The following GRID1 variants were observed in gnomAD, a reference collection of about 807,000 sequenced individuals.
GRID1 encodes glutamate receptor ionotropic, delta-1.
In GRID1, 28 loss-of-function variants were observed where a neutral mutation model predicts 98.0. The observed-to-expected ratio is 0.29, with a 90% CI of 0.21 to 0.39. The LOEUF (loss-of-function observed/expected upper bound fraction) is 0.39, where lower values mean the gene tolerates loss of function less well. GRID1 is among the 10% of genes least tolerant of loss of function. GRID1 has a pLI of 1.00. For missense variants in GRID1, 1,111 were observed against 1,340.5 expected, an observed-to-expected ratio of 0.83 and a Z score of 2.67; for synonymous variants, 553 against 538.5, an observed-to-expected ratio of 1.03 and a Z score of -0.37.
intron 8 of GRID1, among the ~76,000 whole-genome samples, chr10:85,780,369 T>C (rs554163421): frequency 6.8e-4 from 104 of 152,008 alleles, no homozygotes; most frequent in African/African-American, 2.3e-3. Context: ...CTGGAGGAGG[T>C]AGAGGAGGAA....
chr10:86,334,125 T>C (rs1176742356), intron 2 of GRID1, among the ~76,000 whole-genome samples: 1 of 152,096 alleles, frequency 6.6e-6, no homozygotes, highest in East Asian at 1.9e-4. Context: ...CCCTGGCCTA[T>C]CCATCTGCTT....
intron 4 of GRID1, among the ~76,000 whole-genome samples, chr10:86,125,902 C>A (rs74235894): frequency 0.029 from 4,397 of 152,230 alleles, 126 homozygotes; most frequent in South Asian, 0.1. Context: ...CTATAACATA[C>A]AAAATTTGTG....
At chr10:85,987,629 C>T (rs758249473) in intron 4 of GRID1, among the ~76,000 whole-genome samples, 2 of 150,256 alleles carry the variant, frequency 1.3e-5, no homozygotes, top group Non-Finnish European at 3.0e-5. Flanking sequence ...ACTTCCCCTG[C>T]AGCCTTACCC....
At chr10:85,779,320 C>A (rs1479168218) in intron 8 of GRID1, among the ~76,000 whole-genome samples, 1 of 152,160 alleles carries the variant, frequency 6.6e-6, no homozygotes, top group African/African-American at 2.4e-5. Context: ...CTGGAAAAAT[C>A]CAAAACCTGC....
chr10:86,151,574 T>C (rs1410595561), intron 3 of GRID1, among the ~76,000 whole-genome samples: 1 of 152,188 alleles, frequency 6.6e-6, no homozygotes, highest in East Asian at 1.9e-4. Context: ...AGCTGTTAAT[T>C]TGCAATCAGT....
In GRID1 at chr10:86,366,274, G is replaced by T. The variant is rs780803944; in HGVS notation, c.79+40C>A. On this transcript the variant is annotated intron_variant, in intron 1 of 15. Transcript: ENST00000327946. The surrounding 1 kb of genome is among the most constrained non-coding windows in gnomAD (Gnocchi z 4.1). The stretch of plus-strand genomic sequence containing the variant: ...GCCGCGCACCCCCTGCCCCGTTGGG[G>T]CCCCCGCCCAGCCTCGGCCCGGCCT... 1 of 1,419,066 alleles carries T rather than the reference G, an allele frequency of 7.0e-7. No homozygotes were observed. Among genetic ancestry groups the T allele is most frequent in the South Asian group, 1.3e-5 (1 of 77,554 alleles). 87.9% of individuals were successfully genotyped at this position (1,419,066 alleles called of 1,614,324 possible).
At chr10:85,729,147 T>A (rs544009945) in intron 9 of GRID1, among the ~76,000 whole-genome samples, 31 of 152,240 alleles carry the variant, frequency 2.0e-4, no homozygotes, top group Non-Finnish European at 3.4e-4. Flanking sequence ...CCAGCATCTA[T>A]CTTGGGGTTC....
At chr10:85,726,219 T>C (rs1457359731) in intron 10 of GRID1, among the ~76,000 whole-genome samples, 2 of 151,442 alleles carry the variant, frequency 1.3e-5, no homozygotes, top group Non-Finnish European at 2.9e-5. Flanking sequence ...ATTTCCCCAA[T>C]ATAGAAGTAC....
chr10:85,975,991 T>C (rs933292778), intron 4 of GRID1, among the ~76,000 whole-genome samples: 1 of 152,180 alleles, frequency 6.6e-6, no homozygotes, highest in African/African-American at 2.4e-5. Context: ...AGCTCACCTA[T>C]GGCTCAGGCA....
intron 2 of GRID1, among the ~76,000 whole-genome samples, chr10:86,306,731 A>G (rs1470321612): frequency 6.6e-6 from 1 of 152,212 alleles, no homozygotes; most frequent in African/African-American, 2.4e-5. Flanking sequence ...CCAGAAACAG[A>G]GATCCAAAGT....
chr10:86,141,496 TG>T (rs1446957110), intron 3 of GRID1, among the ~76,000 whole-genome samples: 1 of 152,242 alleles, frequency 6.6e-6, no homozygotes, highest in African/African-American at 2.4e-5. Flanking sequence ...CATCATCAGC[TG>T]GAGGACATCT....
chr10:85,607,175 TCAC>T (rs1842679455), intron 15 of GRID1: 2 of 152,238 alleles, frequency 1.3e-5, no homozygotes, highest in Admixed American at 1.3e-4. Flanking sequence ...AAGCTGCTGT[TCAC>T]CAATGTGGAA....
intron 2 of GRID1, among the ~76,000 whole-genome samples, chr10:86,213,434 T>C (rs1846133045): frequency 6.6e-6 from 1 of 151,988 alleles, no homozygotes; most frequent in Admixed American, 6.6e-5. Flanking sequence ...ACATCCTTTT[T>C]CATGAATCAG....
intron 2 of GRID1, among the ~76,000 whole-genome samples, chr10:86,337,217 C>A (rs929250320): frequency 2.6e-5 from 4 of 152,268 alleles, no homozygotes; most frequent in African/African-American, 9.6e-5. Context: ...CCAGCAGGAA[C>A]GCAGCCCATC....
chr10:86,057,911 A>C (rs1273000172), intron 4 of GRID1, among the ~76,000 whole-genome samples: 1 of 152,184 alleles, frequency 6.6e-6, no homozygotes, highest in African/African-American at 2.4e-5. Context: ...TGATTATCTA[A>C]CACTATGCCA....
chr10:86,157,538 T>G (rs181906262), intron 3 of GRID1, among the ~76,000 whole-genome samples: 1 of 152,022 alleles, frequency 6.6e-6, no homozygotes, highest in Non-Finnish European at 1.5e-5. Flanking sequence ...AATGGAGAAA[T>G]GTAAAGAAGG....
Position 86,120,436 on chromosome 10 carries a change from G to A in GRID1, c.726+18383C>T, listed in dbSNP as rs1042969859. Among the ~76,000 whole-genome samples, 59 of 152,210 alleles carry A rather than the reference G, an allele frequency of 3.9e-4. 1 individual carries two copies. Among genetic ancestry groups the A allele is most frequent in the Admixed American group, 2.6e-3 (39 of 15,284 alleles). ...GTACTTATACCTATTCTGTATTATC[G>A]TTGATTGCTTACTTTCCCTAAGGAC... On this transcript the variant is annotated intron_variant, in intron 4 of 15. Coordinates refer to ENST00000327946, the MANE Select transcript of GRID1 (RefSeq NM_017551.3).
chr10:86,157,432 G>A (rs189483957), intron 3 of GRID1, among the ~76,000 whole-genome samples: 1 of 152,206 alleles, frequency 6.6e-6, no homozygotes, highest in Admixed American at 6.5e-5. Flanking sequence ...CAAGACCACT[G>A]GGTACTCGGA....
At chr10:85,984,579 T>C (rs1389412947) in intron 4 of GRID1, among the ~76,000 whole-genome samples, 1 of 152,134 alleles carries the variant, frequency 6.6e-6, no homozygotes, top group East Asian at 1.9e-4. Context: ...CGCTAGTGAA[T>C]AGAAGTGCAA....
Sources: gnomAD v4.1 joint callset for allele counts (sites outside exome capture counted in the v4.1 genomes callset) on GRCh38, gnomAD v4.1.1 for gene constraint, Gnocchi (gnomAD v3.1) non-coding constraint, MANE v1.5 for transcripts, NCBI Gene and HGNC (gene_info 2026-07-23, HGNC 2026-07-21) for gene names.